Variants in ZKSCAN2 observed in about 807,000 individuals in gnomAD.
ZKSCAN2 encodes the protein zinc finger with KRAB and SCAN domains 2.
A neutral mutation model predicts 90.5 loss-of-function variants in ZKSCAN2; 38 were observed. The observed-to-expected ratio is 0.42, with a 90% CI of 0.32 to 0.55. The LOEUF (loss-of-function observed/expected upper bound fraction) is 0.55, where lower values mean the gene tolerates loss of function less well. Ranked by LOEUF, ZKSCAN2 falls within the 20% of genes least tolerant of loss-of-function variation. ZKSCAN2 has a pLI of 0.11. For missense variants in ZKSCAN2, 1,167 were observed against 1,202.6 expected, an observed-to-expected ratio of 0.97 and a Z score of 0.44; for synonymous variants, 429 against 421.6, an observed-to-expected ratio of 1.02 and a Z score of -0.22.
rs1199874251 is a variant in ZKSCAN2 at position 25,237,803 on chromosome 16, ATAT to A, written c.*2010_*2012del. The A allele has an allele frequency of 6.6e-6, 1 of 152,212 alleles. No individual in the cohort carries two copies. The highest frequency in any genetic ancestry group is 1.5e-5 in the Non-Finnish European group (1 of 68,006). The allele number at this position is 152,212 out of a possible 1,614,324, so 9.4% of individuals were successfully genotyped here. On this transcript the variant is annotated 3_prime_UTR_variant, in exon 7 of 7. Coordinates refer to ENST00000328086, the MANE Select transcript of ZKSCAN2 (RefSeq NM_001012981.5). ...TCCACATAATATCAATCCTGTGTAC[ATAT>A]TATTAAGTGGTGATTTCTATTAATT...
Position 25,244,233 on chromosome 16 carries a change from G to A in ZKSCAN2, c.1533C>T (p.Ile511=). ...GYEETKTFLD[I]LRETRFYEAL... ...CTTCATAAAACCGAGTCTCACGGAG[G>A]ATATCAAGAAAAGTCTTGGTTTCTT... is the stretch of plus-strand genomic sequence containing the variant. The change falls in exon 6 of 7, where the codon ATC becomes ATT. Residue 511 remains isoleucine (I), a synonymous_variant. Coordinates refer to ENST00000328086, the MANE Select transcript of ZKSCAN2 (RefSeq NM_001012981.5). 2 of 1,613,962 alleles carry A rather than the reference G, an allele frequency of 1.2e-6. No homozygotes were observed. The highest frequency in any genetic ancestry group is 1.7e-6 in the Non-Finnish European group (2 of 1,179,904).
chr16:25,244,232 G>A lies in ZKSCAN2; in HGVS notation c.1534C>T (p.Leu512Phe). 6.2e-7 allele frequency: 1 copy of A among 1,614,000 alleles called. No homozygotes were observed. The highest frequency in any genetic ancestry group is 8.5e-7 in the Non-Finnish European group (1 of 1,179,920). ...YEETKTFLDI[L>F]RETRFYEALQ... is the part of the protein sequence containing the mutation. ...GCTTCATAAAACCGAGTCTCACGGAGGATATCAAGAAAAGTCTTGGTTTCT... is the reference window on the plus strand; with the variant it reads ...GCTTCATAAAACCGAGTCTCACGGAAGATATCAAGAAAAGTCTTGGTTTCT... The change falls in exon 6 of 7, where the codon CTC becomes TTC. Residue 512 changes from leucine (L) to phenylalanine (F), a missense_variant. Physicochemically the swap from Leu to Phe is conservative, Grantham distance 22. Transcript: ENST00000328086.
rs749445830 is a variant in ZKSCAN2, at chr16:25,247,082, G to C, written c.1114C>G (p.Gln372Glu). 1 of 1,614,170 alleles carries C rather than the reference G, an allele frequency of 6.2e-7. No individual in the cohort carries two copies. The highest frequency in any genetic ancestry group is 1.3e-5 in the African/African-American group (1 of 75,024). ...ETLQACPRNS[Q>E]VYGAVAEWLR... ...CATTCAGCCACAGCACCATACACTT[G>C]GCTATTTCGGGGACAGGCCTGAAGT... The change falls in exon 5 of 7, where the codon CAA becomes GAA. Residue 372 changes from glutamine to glutamate, a missense_variant. By Grantham distance (29) the Gln-to-Glu change is conservative. Coordinates refer to ENST00000328086, the MANE Select transcript of ZKSCAN2 (RefSeq NM_001012981.5).
rs1380632060 is a variant in ZKSCAN2, at chr16:25,257,468, G to C, written c.-341C>G. On this transcript the variant is annotated 5_prime_UTR_variant, in exon 1 of 7. Transcript: ENST00000328086. ...AAGCAGGCTGAGGAAAGGCTGGGCG[G>C]AGGCGGACAGCCGGGCCGGGAGGGG... The C allele has an allele frequency of 5.8e-6, 6 of 1,026,352 alleles. No homozygotes were observed. The highest frequency in any genetic ancestry group is 7.0e-6 in the Non-Finnish European group (6 of 858,006). 63.6% of individuals were successfully genotyped at this position (1,026,352 alleles called of 1,614,324 possible).
Position 25,240,880 on chromosome 16 carries a change from A to G in ZKSCAN2, c.1982-142T>C, listed in dbSNP as rs1056669096. The G allele has an allele frequency of 1.1e-4, 75 of 660,154 alleles. 1 individual carries two copies. Among genetic ancestry groups the G allele is most frequent in the South Asian group, 2.9e-4 (15 of 51,096 alleles). 40.9% of individuals were successfully genotyped at this position (660,154 alleles called of 1,614,324 possible). A position where few individuals can be genotyped will look rare whatever the true frequency, so the allele number is the denominator to read the frequency against. On this transcript the variant is annotated intron_variant, in intron 6 of 6. Transcript: ENST00000328086. ...TGACTCTTCCCTGATTCATTCTGCT[A>G]TATTTCTTTCCATTCATAAACAGGC...
At chr16:25,255,057 C>T (rs1963077712) in intron 2 of ZKSCAN2, 149 bp downstream of exon 2, 1 of 735,780 alleles carries the variant, frequency 1.4e-6, no homozygotes, top group Non-Finnish European at 2.0e-6. Context: ...TTATATTGCA[C>T]ATGTTCCTAA....
chr16:25,244,147 T>G lies in ZKSCAN2; in HGVS notation c.1619A>C (p.Glu540Ala). The change falls in exon 6 of 7, where the codon GAG (glutamate) becomes GCG (alanine). Residue 540 changes from glutamate (E) to alanine (A), a missense_variant. Physicochemically the swap from Glu to Ala is moderately radical, Grantham distance 107 (BLOSUM62 -1). Transcript: ENST00000328086. The part of the protein sequence containing the change: ...LYGAVAEQLR[E>A]CGFLRTPEQC... ...TTCTGGTGTCCGGAGGAAGCCGCAC[T>G]CTCGAAGCTGTTCAGCTACAGCCCC... is the stretch of plus-strand genomic sequence containing the variant. 2 of 1,614,180 alleles carry G rather than the reference T, an allele frequency of 1.2e-6. No individual in the cohort carries two copies. Among genetic ancestry groups the G allele is most frequent in the Non-Finnish European group, 1.7e-6 (2 of 1,180,032 alleles).
intron 5 of ZKSCAN2, among the ~76,000 whole-genome samples, chr16:25,245,100 C>T (rs1962913083): frequency 6.6e-6 from 1 of 152,036 alleles, no homozygotes; most frequent in Non-Finnish European, 1.5e-5. Flanking sequence ...CCCATCTTAG[C>T]AGATGTTTAT....
At chr16:25,251,802 G>C in intron 4 of ZKSCAN2, 107 bp downstream of exon 4, 2 of 1,344,202 alleles carry the variant, frequency 1.5e-6, no homozygotes, top group South Asian at 1.4e-5. Context: ...ACAATCCTTA[G>C]AGATCCTTTA....
chr16:25,256,177 G>T (rs1204637796), intron 1 of ZKSCAN2, among the ~76,000 whole-genome samples: 1 of 152,170 alleles, frequency 6.6e-6, no homozygotes, highest in Non-Finnish European at 1.5e-5. Flanking sequence ...TCATGAAAGT[G>T]AGGTTGAAGA....
Position 25,240,071 on chromosome 16 carries a change from C to A in ZKSCAN2, c.2649G>T (p.Gly883=). 2.5e-6 allele frequency: 4 copies of A among 1,613,896 alleles called. No homozygotes were observed. The highest frequency in any genetic ancestry group is 3.4e-6 in the Non-Finnish European group (4 of 1,179,978). ...AGTCCACACATTTGTAGGGATTCTC[C>A]CCAGTGTGAACTCTCCGGTGGGCGC... The part of the protein sequence containing the change: ...HFSAHRRVHT[G]ENPYKCVDCE... Residue 883 remains glycine (G), a synonymous_variant, in exon 7 of 7, where the codon GGG becomes GGT. Transcript: ENST00000328086.
chr16:25,246,634 C>T, intron 5 of ZKSCAN2, 73 bp downstream of exon 5: 2 of 1,564,664 alleles, frequency 1.3e-6, no homozygotes, highest in Non-Finnish European at 1.7e-6. Flanking sequence ...GGTTTGGCCA[C>T]TTCTGGTCTA....
In ZKSCAN2 at chr16:25,240,752, A is replaced by T. The variant is rs1465750123; in HGVS notation, c.1982-14T>A. On this transcript the variant is annotated splice_polypyrimidine_tract_variant and intron_variant, in intron 6 of 6. Coordinates refer to ENST00000328086, the MANE Select transcript of ZKSCAN2 (RefSeq NM_001012981.5). ...CGATTTCAAAATCTGAAAAAATGAA[A>T]GACAATACAAATTTTATACAAGTCT... The T allele has an allele frequency of 6.2e-7, 1 of 1,600,060 alleles. No homozygotes were observed. Among genetic ancestry groups the T allele is most frequent in the South Asian group, 1.1e-5 (1 of 89,840 alleles).
chr16:25,249,177 C>T (rs1023191301), intron 4 of ZKSCAN2, among the ~76,000 whole-genome samples: 2 of 151,940 alleles, frequency 1.3e-5, no homozygotes, highest in African/African-American at 4.8e-5. Flanking sequence ...TCAAAGGGTA[C>T]AAAATTTCAG....
chr16:25,254,414 G>A (rs889173760), intron 2 of ZKSCAN2, among the ~76,000 whole-genome samples: 3 of 152,194 alleles, frequency 2.0e-5, no homozygotes, highest in African/African-American at 2.4e-5. Flanking sequence ...CCTTCCCTGT[G>A]AAATCTTAAC....
chr16:25,246,980 T>G lies in ZKSCAN2; in HGVS notation c.1216A>C (p.Lys406Gln). 1.2e-6 allele frequency: 2 copies of G among 1,614,174 alleles called. No homozygotes were observed. Among genetic ancestry groups the G allele is most frequent in the Non-Finnish European group, 1.7e-6 (2 of 1,180,030 alleles). ...TCTAGCATGTGGCCATTTCTCACCT[T>G]TCGATAGCTTTTCTGGAGACTTTTG... ...KFKSLQKSYR[K>Q]VRNGHMLEPC... Residue 406 changes from lysine to glutamine, a missense_variant, in exon 5 of 7, where the codon AAG becomes CAG. Physicochemically the swap from Lys to Gln is moderately conservative, Grantham distance 53. Transcript: ENST00000328086.
At chr16:25,245,205 A>G (rs1962913892) in intron 5 of ZKSCAN2, among the ~76,000 whole-genome samples, 1 of 152,176 alleles carries the variant, frequency 6.6e-6, no homozygotes, top group Non-Finnish European at 1.5e-5. Context: ...CCAGGGCTCA[A>G]GCGACCCTCT....
chr16:25,245,912 C>A (rs1033766640), intron 5 of ZKSCAN2, among the ~76,000 whole-genome samples: 2 of 152,130 alleles, frequency 1.3e-5, no homozygotes, highest in African/African-American at 4.8e-5. Flanking sequence ...CTAATAACAA[C>A]CCTATGAGGT....
At chr16:25,251,323 T>G (rs569476990) in intron 4 of ZKSCAN2, among the ~76,000 whole-genome samples, 1 of 152,284 alleles carries the variant, frequency 6.6e-6, no homozygotes, top group East Asian at 1.9e-4. Flanking sequence ...TACTTTTCTA[T>G]TACATGAAGG....
Sources: allele counts gnomAD v4.1 joint callset (sites outside exome capture counted in the v4.1 genomes callset), GRCh38; gene constraint gnomAD v4.1.1; transcripts MANE v1.5; gene names NCBI Gene and HGNC (gene_info 2026-07-23, HGNC 2026-07-21).